The following CFAP300 variants were observed in gnomAD, a reference collection of about 807,000 sequenced individuals.
The protein encoded by CFAP300 is cilia- and flagella-associated protein 300.
CFAP300 carries 32 observed loss-of-function variants against 33.0 expected under a neutral mutation model. That is an observed-to-expected ratio of 0.97 (90% CI 0.73 to 1.30). The LOEUF is 1.30. CFAP300 is among the 50% of genes most tolerant of loss of function. The pLI, the probability that CFAP300 is intolerant of heterozygous loss-of-function variation, is 0.00. For missense variants in CFAP300, 356 were observed against 318.1 expected (o/e 1.12, Z -0.90); for synonymous variants, 102 against 106.8 (o/e 0.95, Z 0.28).
chr11:102,075,109 A>C (rs190824597), intron 4 of CFAP300, among the ~76,000 whole-genome samples: 127 of 152,332 alleles, frequency 8.3e-4, no homozygotes, highest in African/African-American at 3.0e-3. Context: ...CATCTCTAAA[A>C]AAAGAAAAAA....
chr11:102,059,522 A>C (rs1457457526), intron 3 of CFAP300, among the ~76,000 whole-genome samples: 2 of 151,982 alleles, frequency 1.3e-5, no homozygotes, highest in African/African-American at 4.8e-5. Context: ...GGTGGCGAGC[A>C]CCTGTAATAC....
intron 4 of CFAP300, among the ~76,000 whole-genome samples, chr11:102,071,869 C>A (rs991306008): frequency 6.6e-6 from 1 of 152,056 alleles, no homozygotes; most frequent in Non-Finnish European, 1.5e-5. Context: ...AGACACTTTT[C>A]TCTTGCTGTT....
At position 102,064,047 on chromosome 11, in the gene CFAP300, G is replaced by A. The variant is rs115072213; in HGVS notation, c.269-2438G>A. Among the ~76,000 whole-genome samples the A allele has an allele frequency of 1.6e-3, 237 of 152,170 alleles. 1 individual carries two copies. Among genetic ancestry groups the A allele is most frequent in the African/African-American group, 5.6e-3 (231 of 41,504 alleles). ...CATCTCCAACTACCATCACGTTGAG[G>A]GTTAGAGCTTCAATATATGAATATT... On this transcript the variant is annotated intron_variant, in intron 3 of 6. Coordinates refer to ENST00000434758, the MANE Select transcript of CFAP300 (RefSeq NM_032930.3).
intron 4 of CFAP300, among the ~76,000 whole-genome samples, chr11:102,071,864 C>T (rs1471077401): frequency 6.6e-6 from 1 of 152,040 alleles, no homozygotes; most frequent in African/African-American, 2.4e-5. Context: ...TGGCTAGACA[C>T]TTTTCTCTTG....
chr11:102,047,751 G>C, intron 1 of CFAP300, 64 bp from the exon 2 acceptor site: 1 of 1,576,454 alleles, frequency 6.3e-7, no homozygotes, highest in South Asian at 1.1e-5. Context: ...GGTGGGATCG[G>C]TTATCGGTGC....
At chr11:102,059,712 G>C (rs1486923707) in intron 3 of CFAP300, among the ~76,000 whole-genome samples, 1 of 152,064 alleles carries the variant, frequency 6.6e-6, no homozygotes, top group African/African-American at 2.4e-5. Flanking sequence ...GAAAAGATCA[G>C]GAAAGAGTCC....
chr11:102,058,116 G>A (rs746292600), intron 2 of CFAP300, among the ~76,000 whole-genome samples: 2 of 152,054 alleles, frequency 1.3e-5, no homozygotes, highest in East Asian at 1.9e-4. Flanking sequence ...CCTCATGAGG[G>A]CAGTTCTGCA....
chr11:102,048,405 A>G (rs991016141), intron 2 of CFAP300, among the ~76,000 whole-genome samples: 1 of 121,076 alleles, frequency 8.3e-6, no homozygotes, highest in Non-Finnish European at 1.7e-5. Context: ...ATTTTTTTAG[A>G]GGCAGAGTCT....
Position 102,083,276 on chromosome 11 carries a change from T to C in CFAP300, c.*77T>C. ...CTTAATACTAACTTATAGATAAACA[T>C]ATACTTTGCAAATTAATTCAAGAAA... On this transcript the variant is annotated 3_prime_UTR_variant, in exon 7 of 7. Coordinates refer to ENST00000434758, the MANE Select transcript of CFAP300 (RefSeq NM_032930.3). 2 of 1,153,606 alleles carry C rather than the reference T, an allele frequency of 1.7e-6. No individual in the cohort carries two copies. Among genetic ancestry groups the C allele is most frequent in the Non-Finnish European group, 2.2e-6 (2 of 889,620 alleles). 71.5% of individuals were successfully genotyped at this position (1,153,606 alleles called of 1,614,324 possible).
At chr11:102,075,833 C>T (rs772384023) in intron 4 of CFAP300, 40 bp from the exon 5 acceptor site, 1 of 1,467,560 alleles carries the variant, frequency 6.8e-7, no homozygotes, top group Admixed American at 2.1e-5. Context: ...AAGTAAAAAT[C>T]TTGAGTTATG....
intron 1 of CFAP300, 65 bp from the exon 2 acceptor site, chr11:102,047,750 G>T: frequency 6.4e-7 from 1 of 1,570,024 alleles, no homozygotes; most frequent in South Asian, 1.1e-5. Context: ...GGGTGGGATC[G>T]GTTATCGGTG....
intron 5 of CFAP300, among the ~76,000 whole-genome samples, chr11:102,080,041 G>A (rs1000830134): frequency 2.6e-5 from 4 of 152,118 alleles, no homozygotes; most frequent in African/African-American, 9.7e-5. Context: ...CAGGACTTTG[G>A]GAGGCCAAAG....
At chr11:102,061,894 G>A (rs1942154415) in intron 3 of CFAP300, among the ~76,000 whole-genome samples, 1 of 152,206 alleles carries the variant, frequency 6.6e-6, no homozygotes. Context: ...TGCATTACAT[G>A]TCTTATAAAT....
At chr11:102,055,361 CTTTT>C (rs561779599) in intron 2 of CFAP300, among the ~76,000 whole-genome samples, 1 of 113,518 alleles carries the variant, frequency 8.8e-6, no homozygotes, top group Non-Finnish European at 1.7e-5. Flanking sequence ...ATGCGTTACT[CTTTT>C]TTTTTTTTTG....
At chr11:102,068,030 C>A (rs994928133) in intron 4 of CFAP300, among the ~76,000 whole-genome samples, 2 of 152,180 alleles carry the variant, frequency 1.3e-5, no homozygotes, top group African/African-American at 2.4e-5. Context: ...CAGTCTTTGT[C>A]ACTTAGTAAC....
intron 3 of CFAP300, among the ~76,000 whole-genome samples, chr11:102,059,185 A>G (rs1942104017): frequency 6.6e-6 from 1 of 152,130 alleles, no homozygotes; most frequent in South Asian, 2.1e-4. Flanking sequence ...TATTCATATA[A>G]AAGTATTTAT....
At position 102,081,205 on chromosome 11, in the gene CFAP300, C is replaced by A. The variant is rs1565399306; in HGVS notation, c.609-10C>A. On this transcript the variant is annotated splice_polypyrimidine_tract_variant and intron_variant, in intron 5 of 6. Coordinates refer to ENST00000434758, the MANE Select transcript of CFAP300 (RefSeq NM_032930.3). ...TATATGTTAAAAGCACCTTTTCTTC[C>A]TTTTTTTAGTGTTCGAAAGAATCCT... 1 of 1,594,978 alleles carries A rather than the reference C, an allele frequency of 6.3e-7. No homozygotes were observed. The highest frequency in any genetic ancestry group is 2.2e-5 in the East Asian group (1 of 44,652).
At position 102,051,788 on chromosome 11, in the gene CFAP300, A is replaced by G. The variant is rs575244053; in HGVS notation, c.192+3892A>G. 2.6e-5 allele frequency among the ~76,000 whole-genome samples: 4 copies of G among 152,258 alleles called. No homozygotes were observed. In the South Asian group the frequency reaches 8.3e-4, roughly 32 times the overall value. ...GGTCTCAAACTCCCAGGCTCAAGCA[A>G]TTCTCCTGCCTCAGCCTCCCAAAGT... On this transcript the variant is annotated intron_variant, in intron 2 of 6. Coordinates refer to ENST00000434758, the MANE Select transcript of CFAP300 (RefSeq NM_032930.3).
intron 4 of CFAP300, 110 bp from the exon 5 acceptor site, chr11:102,075,762 TG>T: frequency 1.3e-6 from 1 of 776,812 alleles, no homozygotes; most frequent in South Asian, 2.1e-5. Flanking sequence ...GACTCAAGAT[TG>T]GTTCTTAAAA....
Sources: gnomAD v4.1 joint callset for allele counts (sites outside exome capture counted in the v4.1 genomes callset) on GRCh38, gnomAD v4.1.1 for gene constraint, MANE v1.5 for transcripts, NCBI Gene and HGNC (gene_info 2026-07-23, HGNC 2026-07-21) for gene names.